DHX57: variants seen among roughly 807,000 people sequenced by gnomAD.
DHX57 encodes the protein DExH-box helicase 57, also known as putative ATP-dependent RNA helicase DHX57.
DHX57 carries 105 observed loss-of-function variants against 156.2 expected under a neutral mutation model. The observed-to-expected ratio is 0.67, with a 90% CI of 0.57 to 0.79. DHX57 has a LOEUF of 0.79. Among genes scored for constraint, DHX57 ranks in the 30% least tolerant of loss-of-function variants. The probability of loss-of-function intolerance (pLI) is 0.00; values close to 1 mark genes in which losing one functional copy is unlikely to be tolerated. For synonymous variants in DHX57, 704 were observed against 595.6 expected, an observed-to-expected ratio of 1.18 and a Z score of -2.65; for missense variants, 1,847 against 1,661.9, an observed-to-expected ratio of 1.11 and a Z score of -1.94.
chr2:38,875,186 T>A (rs1181184004), intron 1 of DHX57, among the ~76,000 whole-genome samples: 1 of 152,196 alleles, frequency 6.6e-6, no homozygotes, highest in Non-Finnish European at 1.5e-5. Context: ...GGTTGTATAA[T>A]CCACGTGGTT....
chr2:38,814,037 A>G (rs1205285314), intron 20 of DHX57, 142 bp from the exon 21 acceptor site: 1 of 801,360 alleles, frequency 1.2e-6, no homozygotes, highest in Non-Finnish European at 2.0e-6. Flanking sequence ...TCCCAGGTTC[A>G]AGCGATTCTC....
intron 3 of DHX57, 45 bp from the exon 4 acceptor site, chr2:38,862,378 T>A: frequency 7.0e-7 from 1 of 1,419,708 alleles, no homozygotes; most frequent in Non-Finnish European, 9.3e-7. Flanking sequence ...ACTTTCTACT[T>A]ACTTCAAAGA....
At chr2:38,866,338 T>C (rs1368772763) in intron 2 of DHX57, among the ~76,000 whole-genome samples, 1 of 152,194 alleles carries the variant, frequency 6.6e-6, no homozygotes, top group African/African-American at 2.4e-5. Context: ...TTCCTAAACC[T>C]TCCAAGCACA....
chr2:38,846,628 A>AAAT (rs1553332270), intron 11 of DHX57, among the ~76,000 whole-genome samples: 3 of 151,758 alleles, frequency 2.0e-5, no homozygotes, highest in African/African-American at 7.3e-5. Context: ...AAAAAAAAAA[A>AAAT]AAAGAAAGAA....
At chr2:38,826,403 G>C (rs7589162) in intron 15 of DHX57, 113 bp downstream of exon 15, 794,008 of 1,279,540 alleles carry the variant, frequency 0.62, 251,149 homozygotes, top group East Asian at 0.83. Context: ...TTTTCACAAA[G>C]TATTTTTTCA....
At chr2:38,827,878 C>T (rs568277074) in intron 14 of DHX57, among the ~76,000 whole-genome samples, 10 of 151,966 alleles carry the variant, frequency 6.6e-5, no homozygotes, top group East Asian at 5.8e-4. Flanking sequence ...TTTTTTGAAA[C>T]GGAGTTTCAC....
chr2:38,871,921 G>A (rs554779599), intron 1 of DHX57, among the ~76,000 whole-genome samples: 1 of 152,152 alleles, frequency 6.6e-6, no homozygotes, highest in East Asian at 1.9e-4. Context: ...TGTTAGCCAG[G>A]ATGGTCTCGA....
intron 20 of DHX57, among the ~76,000 whole-genome samples, chr2:38,815,298 C>G (rs1049186199): frequency 6.6e-6 from 1 of 151,376 alleles, no homozygotes; most frequent in Non-Finnish European, 1.5e-5. Flanking sequence ...CTCCTGAGCT[C>G]AAGCAATCCA....
intron 2 of DHX57, 56 bp from the exon 3 acceptor site, chr2:38,863,575 C>G: frequency 1.3e-6 from 2 of 1,559,792 alleles, no homozygotes; most frequent in Non-Finnish European, 1.7e-6. Context: ...AACTTTTACA[C>G]TCTCCTCAGG....
chr2:38,829,599 T>C (rs1671280726), intron 13 of DHX57, among the ~76,000 whole-genome samples: 1 of 152,110 alleles, frequency 6.6e-6, no homozygotes, highest in Non-Finnish European at 1.5e-5. Context: ...TTTTTATTTT[T>C]TTAGAGATGA....
chr2:38,826,701 T>G lies in DHX57; in HGVS notation c.2640-12A>C. ...GGTGAATAACACATCTGGAAGGAAA[T>G]AAAAGCACATGAAGTATTCTAGCAC... On this transcript the variant is annotated splice_polypyrimidine_tract_variant and intron_variant, in intron 14 of 23. Transcript: ENST00000457308. The G allele has an allele frequency of 6.2e-7, 1 of 1,612,768 alleles. No individual in the cohort carries two copies. The highest frequency in any genetic ancestry group is 2.2e-5 in the East Asian group (1 of 44,836).
At chr2:38,806,327 T>A (rs550591472) in intron 22 of DHX57, 13 of 446,024 alleles carry the variant, frequency 2.9e-5, no homozygotes, top group African/African-American at 2.6e-4. Flanking sequence ...CAATTTTATA[T>A]CTGAAAGCAG....
At chr2:38,844,135 CGTTT>C (rs1672146982) in intron 11 of DHX57, among the ~76,000 whole-genome samples, 1 of 152,168 alleles carries the variant, frequency 6.6e-6, no homozygotes, top group African/African-American at 2.4e-5. Flanking sequence ...TCACATTCAC[CGTTT>C]GTTTGTTTAT....
At chr2:38,801,237 A>T (rs1669662335) in intron 23 of DHX57, among the ~76,000 whole-genome samples, 1 of 152,036 alleles carries the variant, frequency 6.6e-6, no homozygotes, top group Admixed American at 6.6e-5. Context: ...ATTAAAATGA[A>T]ATTTTATTTA....
At position 38,868,224 on chromosome 2, in the gene DHX57, C is replaced by T. The variant is rs1665177540; in HGVS notation, c.182G>A (p.Gly61Glu). The T allele has an allele frequency of 6.2e-7, 1 of 1,613,998 alleles. No homozygotes were observed. The highest frequency in any genetic ancestry group is 8.5e-7 in the Non-Finnish European group (1 of 1,180,046). ...TTCACTGAAGATACAAAAGTCATCT[C>T]CATCATCCCATATTCTACTGGAGGC... is the stretch of plus-strand genomic sequence containing the variant. ...RKASSRIWDD[G>E]DDFCIFSESR... Residue 61 changes from glycine to glutamate, a missense_variant, in exon 2 of 24, where the codon GGA becomes GAA. Physicochemically the swap from Gly to Glu is moderately conservative, Grantham distance 98 (BLOSUM62 -2). Transcript: ENST00000457308.
At chr2:38,811,462 T>G in intron 21 of DHX57, 2 of 646,876 alleles carry the variant, frequency 3.1e-6, no homozygotes, top group Non-Finnish European at 5.8e-6. Flanking sequence ...AACTCCTTGC[T>G]GACGTCCTCA....
chr2:38,813,970 C>CCA (rs1670401826), intron 20 of DHX57, 75 bp from the exon 21 acceptor site: 8 of 1,521,230 alleles, frequency 5.3e-6, no homozygotes, highest in Admixed American at 1.7e-5. Context: ...TGGAGTCTTG[C>CCA]TCTGTCACCC....
Position 38,802,928 on chromosome 2 carries a change from A to T in DHX57, c.3817-13T>A, listed in dbSNP as rs185876994. The T allele has an allele frequency of 1.7e-3, 2,691 of 1,613,882 alleles. 43 individuals carry two copies. In the Admixed American group the frequency reaches 0.037, roughly 22 times the overall value. ...CAAAGTGTCTCACCTGTAACAAAAAACCTCAGATGATGACAGTGATGTCAC... is the reference window on the plus strand; with the variant it reads ...CAAAGTGTCTCACCTGTAACAAAAATCCTCAGATGATGACAGTGATGTCAC... On this transcript the variant is annotated splice_polypyrimidine_tract_variant and intron_variant, in intron 22 of 23. Coordinates refer to ENST00000457308, the MANE Select transcript of DHX57 (RefSeq NM_198963.3).
intron 9 of DHX57, among the ~76,000 whole-genome samples, chr2:38,848,863 C>A (rs770218604): frequency 6.6e-6 from 1 of 152,156 alleles, no homozygotes; most frequent in Non-Finnish European, 1.5e-5. Context: ...GTCATGTCAG[C>A]ACTCAAGAAG....
Sources: gnomAD v4.1 joint callset for allele counts (sites outside exome capture counted in the v4.1 genomes callset) on GRCh38, gnomAD v4.1.1 for gene constraint, MANE v1.5 for transcripts, NCBI Gene and HGNC (gene_info 2026-07-23, HGNC 2026-07-21) for gene names.